The following ALOXE3 variants were observed in gnomAD, a reference collection of about 807,000 sequenced individuals.
ALOXE3 encodes the protein hydroperoxide isomerase ALOXE3.
A neutral mutation model predicts 87.5 loss-of-function variants in ALOXE3; 78 were observed. That is an observed-to-expected ratio of 0.89 (90% CI 0.74 to 1.08). The LOEUF (loss-of-function observed/expected upper bound fraction) is 1.08. Among genes scored for constraint, ALOXE3 ranks in the 50% least tolerant of loss-of-function variants. ALOXE3 has a pLI of 0.00. For synonymous variants in ALOXE3, 363 were observed against 370.8 expected (o/e 0.98, Z 0.24); for missense variants, 946 against 912.4 (o/e 1.04, Z -0.47).
intron 15 of ALOXE3, among the ~76,000 whole-genome samples, chr17:8,101,870 G>A (rs554682954): frequency 6.6e-6 from 1 of 152,058 alleles, no homozygotes; most frequent in African/African-American, 2.4e-5. Flanking sequence ...GAATTCCTAG[G>A]CTCAAGCAAT....
intron 8 of ALOXE3, 123 bp downstream of exon 8, chr17:8,111,236 G>T: frequency 1.6e-6 from 2 of 1,227,676 alleles, no homozygotes; most frequent in Non-Finnish European, 2.3e-6. Flanking sequence ...CTGCCCAGAG[G>T]ATGAGGCCCA....
At chr17:8,112,045 G>A in intron 7 of ALOXE3, 48 bp downstream of exon 7, 2 of 1,525,390 alleles carry the variant, frequency 1.3e-6, no homozygotes, top group East Asian at 4.5e-5. Flanking sequence ...AGGGGTCTGA[G>A]CATGAGATAA....
Position 8,101,644 on chromosome 17 carries a change from TTTTTTTG to T in ALOXE3, c.1956+1672_1956+1678del, listed in dbSNP as rs369932023. 7.7e-3 allele frequency among the ~76,000 whole-genome samples: 1,167 copies of T among 152,096 alleles called. 3 individuals carry two copies. The highest frequency in any genetic ancestry group is 9.5e-3 in the Non-Finnish European group (645 of 67,966). Reference sequence around the variant, plus strand: ...ATGTGGGATCTTTCTTTTTTTGTTGTTTTTTTGTTTTTTGTTTTTTGTTTTTGTGTCA... The same window carrying T: ...ATGTGGGATCTTTCTTTTTTTGTTGTTTTTTTGTTTTTTGTTTTTGTGTCA... On this transcript the variant is annotated intron_variant, in intron 15 of 15. Coordinates refer to ENST00000448843, the MANE Select transcript of ALOXE3 (RefSeq NM_021628.3).
chr17:8,111,662 T>C (rs527473008), intron 7 of ALOXE3, 131 bp from the exon 8 acceptor site: 1 of 896,702 alleles, frequency 1.1e-6, no homozygotes, highest in Non-Finnish European at 1.8e-6. Flanking sequence ...AATCATTATA[T>C]CTTCAATTTA....
intron 4 of ALOXE3, 83 bp downstream of exon 4, chr17:8,115,524 A>G (rs1980507898): frequency 2.1e-6 from 3 of 1,417,790 alleles, no homozygotes; most frequent in African/African-American, 2.8e-5. Context: ...AAGGTTGAGA[A>G]TGAGGTTAGA....
chr17:8,110,451 G>A lies in ALOXE3; in HGVS notation c.1035C>T (p.Tyr345=), dbSNP rs1979967752. 1.9e-6 allele frequency: 3 copies of A among 1,613,498 alleles called. No individual in the cohort carries two copies. The highest frequency in any genetic ancestry group is 4.5e-5 in the East Asian group (2 of 44,876). Residue 345 remains tyrosine, a synonymous_variant, in exon 9 of 16, where the codon TAC becomes TAT. Coordinates refer to ENST00000448843, the MANE Select transcript of ALOXE3 (RefSeq NM_021628.3). ...PTHCLNGRQQ[Y]VAAPLCLLWL... is the part of the protein sequence containing the mutation. ...ACAGCAGGCACAGTGGGGCGGCCACGTACTGCTGGCGGCCGTTTAGGCAGT... is the reference window on the plus strand; with the variant it reads ...ACAGCAGGCACAGTGGGGCGGCCACATACTGCTGGCGGCCGTTTAGGCAGT...
Position 8,096,868 on chromosome 17 carries a change from A to AC in ALOXE3, c.1957-63dup. On this transcript the variant is annotated intron_variant, in intron 15 of 15. Coordinates refer to ENST00000448843, the MANE Select transcript of ALOXE3 (RefSeq NM_021628.3). ...CAGATGGGATGGGGAATAACGGAGG[A>AC]CCACATGTAACAGCAAATCCAGTCA... 4 of 1,569,294 alleles carry AC rather than the reference A, an allele frequency of 2.5e-6. No individual in the cohort carries two copies. The South Asian group carries it at 3.3e-5, about 13-fold the overall frequency.
intron 11 of ALOXE3, among the ~76,000 whole-genome samples, 171 bp from the exon 12 acceptor site, chr17:8,109,514 G>T (rs929566867): frequency 6.6e-6 from 1 of 152,244 alleles, no homozygotes; most frequent in Non-Finnish European, 1.5e-5. Flanking sequence ...GCAGCTTGAC[G>T]CCCCATTACG....
chr17:8,117,760 T>C, intron 2 of ALOXE3, 84 bp downstream of exon 2: 1 of 1,549,350 alleles, frequency 6.5e-7, no homozygotes, highest in Non-Finnish European at 8.7e-7. Flanking sequence ...TTCAGCAGGA[T>C]CTCAAGAGTC....
chr17:8,111,325 A>C, intron 8 of ALOXE3, 34 bp downstream of exon 8: 1 of 1,611,190 alleles, frequency 6.2e-7, no homozygotes, highest in East Asian at 2.2e-5. Flanking sequence ...CCCACCTCCC[A>C]CCTATCAGGC....
At chr17:8,110,918 G>GGGC (rs1370494653) in intron 8 of ALOXE3, among the ~76,000 whole-genome samples, 3 of 152,200 alleles carry the variant, frequency 2.0e-5, no homozygotes, top group Non-Finnish European at 2.9e-5. Context: ...GAATGCCTGA[G>GGGC]GGCTTGACTG....
At chr17:8,112,280 C>G in intron 6 of ALOXE3, 84 bp from the exon 7 acceptor site, 1 of 1,015,768 alleles carries the variant, frequency 9.8e-7, no homozygotes. Context: ...CCTGGAGGAA[C>G]TGACGGGGTC....
chr17:8,114,106 C>T (rs1015208800), intron 6 of ALOXE3, among the ~76,000 whole-genome samples: 1 of 151,628 alleles, frequency 6.6e-6, no homozygotes, highest in East Asian at 1.9e-4. Context: ...GATGAATGAT[C>T]GGACAGGCCC....
intron 3 of ALOXE3, 73 bp downstream of exon 3, chr17:8,116,703 G>T: frequency 6.6e-7 from 1 of 1,512,540 alleles, no homozygotes; most frequent in Non-Finnish European, 9.2e-7. Context: ...ATACTCTGGG[G>T]CTCTGTGAGA....
intron 15 of ALOXE3, among the ~76,000 whole-genome samples, chr17:8,098,657 T>C (rs961976753): frequency 2.6e-5 from 4 of 152,218 alleles, no homozygotes; most frequent in African/African-American, 7.2e-5. Context: ...GATAATTATA[T>C]GGTATGCATC....
At chr17:8,101,941 C>T (rs1479520710) in intron 15 of ALOXE3, among the ~76,000 whole-genome samples, 2 of 152,284 alleles carry the variant, frequency 1.3e-5, no homozygotes, top group South Asian at 2.1e-4. Flanking sequence ...TGCCCAGCAA[C>T]ATCTGGAATC....
At chr17:8,100,134 G>A (rs1388811296) in intron 15 of ALOXE3, among the ~76,000 whole-genome samples, 1 of 151,582 alleles carries the variant, frequency 6.6e-6, no homozygotes, top group Non-Finnish European at 1.5e-5. Flanking sequence ...AGGGAGGGAG[G>A]GAGAGGGGGG....
rs1188258685 is a variant in ALOXE3 at position 8,096,653 on chromosome 17, G to A, written c.2110C>T (p.Leu704Phe). 6 of 1,465,278 alleles carry A rather than the reference G, an allele frequency of 4.1e-6. No homozygotes were observed. Among genetic ancestry groups the A allele is most frequent in the Non-Finnish European group, 4.8e-6 (5 of 1,044,358 alleles). 90.8% of individuals were successfully genotyped at this position (1,465,278 alleles called of 1,614,324 possible). A position where few individuals can be genotyped will look rare whatever the true frequency, so the allele number is the denominator to read the frequency against. ...TAGATGGAGACGCTGTTCTCAATGA[G>A]GGGAGGGTCCAGGTAGGTGTAGGGC... ...ALPYTYLDPP[L>F]IENSVSI The change falls in exon 16 of 16, where the codon CTC (leucine) becomes TTC (phenylalanine). Residue 704 changes from leucine (L) to phenylalanine (F), a missense_variant. Coordinates refer to ENST00000448843, the MANE Select transcript of ALOXE3 (RefSeq NM_021628.3).
At chr17:8,115,583 G>A in intron 4 of ALOXE3, 24 bp downstream of exon 4, 1 of 1,590,160 alleles carries the variant, frequency 6.3e-7, no homozygotes, top group South Asian at 1.1e-5. Context: ...GATGGGGAAA[G>A]AAGTCAAATT....
Sources: allele counts gnomAD v4.1 joint callset (sites outside exome capture counted in the v4.1 genomes callset), GRCh38; gene constraint gnomAD v4.1.1; transcripts MANE v1.5; gene names NCBI Gene and HGNC (gene_info 2026-07-23, HGNC 2026-07-21).